Variants in TXNDC16 observed in about 807,000 individuals in gnomAD.
The protein encoded by TXNDC16 is thioredoxin domain-containing protein 16.
In TXNDC16, 74 loss-of-function variants were observed where a neutral mutation model predicts 85.6. The ratio of observed to expected loss-of-function variants is 0.86; its 90% CI spans 0.72 to 1.05. The LOEUF is 1.05. TXNDC16 is among the 50% of genes least tolerant of loss of function. The pLI is 0.00. For missense variants in TXNDC16, 959 were observed against 947.0 expected, an observed-to-expected ratio of 1.01 and a Z score of -0.17; for synonymous variants, 335 against 326.5, an observed-to-expected ratio of 1.03 and a Z score of -0.28.
At chr14:52,516,037 T>C (rs1300040794) in intron 7 of TXNDC16, among the ~76,000 whole-genome samples, 1 of 152,132 alleles carries the variant, frequency 6.6e-6, no homozygotes, top group Non-Finnish European at 1.5e-5. Flanking sequence ...ATTTTCTAAC[T>C]CTCTCAATAC....
chr14:52,445,392 G>T (rs1268570548), intron 18 of TXNDC16, among the ~76,000 whole-genome samples: 3 of 152,224 alleles, frequency 2.0e-5, no homozygotes, highest in East Asian at 3.9e-4. Context: ...TCCCTTAGTT[G>T]AGCCCAAAAT....
At chr14:52,484,521 C>T (rs533840177) in intron 12 of TXNDC16, among the ~76,000 whole-genome samples, 2 of 152,236 alleles carry the variant, frequency 1.3e-5, no homozygotes, top group African/African-American at 2.4e-5. Flanking sequence ...ATTGTAACAT[C>T]GTAGCACAAC....
chr14:52,479,285 T>C (rs2036090407), intron 14 of TXNDC16, among the ~76,000 whole-genome samples: 1 of 152,066 alleles, frequency 6.6e-6, no homozygotes, highest in Admixed American at 6.6e-5. Flanking sequence ...ACCATTCCTC[T>C]TCAACACAGT....
chr14:52,518,639 T>A (rs958261956), intron 7 of TXNDC16, among the ~76,000 whole-genome samples: 2 of 152,106 alleles, frequency 1.3e-5, no homozygotes, highest in African/African-American at 4.8e-5. Flanking sequence ...AATAACTTCC[T>A]ATTTTTCTCC....
At position 52,442,506 on chromosome 14, in the gene TXNDC16, C is replaced by CAA. The variant is rs148205701; in HGVS notation, c.1843-1784_1843-1783dup. ...ATAGTCCTAGTTCATCCTGAAGTGC[C>CAA]AAATTCTGGCATATAACTTTCCCTT... On this transcript the variant is annotated intron_variant, in intron 18 of 20. Transcript: ENST00000281741. Among the ~76,000 whole-genome samples the CAA allele has an allele frequency of 2.5e-3, 388 of 152,252 alleles. 3 individuals carry two copies. Among genetic ancestry groups the CAA allele is most frequent in the African/African-American group, 8.8e-3 (367 of 41,556 alleles).
At chr14:52,513,861 C>T (rs963427948) in intron 8 of TXNDC16, among the ~76,000 whole-genome samples, 2 of 152,002 alleles carry the variant, frequency 1.3e-5, no homozygotes, top group East Asian at 3.9e-4. Flanking sequence ...ATACAAACAA[C>T]TAACCCTCAG....
At chr14:52,460,486 T>C (rs1243165651) in intron 16 of TXNDC16, among the ~76,000 whole-genome samples, 3 of 152,362 alleles carry the variant, frequency 2.0e-5, no homozygotes, top group South Asian at 4.1e-4. Flanking sequence ...ATGTTTTTCA[T>C]GTAATTTTCC....
Position 52,457,187 on chromosome 14 carries a change from A to G in TXNDC16, c.1619-13T>C. On this transcript the variant is annotated splice_polypyrimidine_tract_variant and intron_variant, in intron 16 of 20. Coordinates refer to ENST00000281741, the MANE Select transcript of TXNDC16 (RefSeq NM_020784.3). ...AAATCTTCTTTTGCTATAAATACAT[A>G]GAGAAGACAAAAATCTGAAACCTTT... is the stretch of plus-strand genomic sequence containing the variant. 6.7e-7 allele frequency: 1 copy of G among 1,485,452 alleles called. No homozygotes were observed. Among genetic ancestry groups the G allele is most frequent in the Middle Eastern group, 1.8e-4 (1 of 5,710 alleles). 92.0% of individuals were successfully genotyped at this position (1,485,452 alleles called of 1,614,324 possible). A position where few individuals can be genotyped will look rare whatever the true frequency, so the allele number is the denominator to read the frequency against.
chr14:52,465,281 G>T (rs920781557), intron 16 of TXNDC16, among the ~76,000 whole-genome samples: 1 of 152,204 alleles, frequency 6.6e-6, no homozygotes, highest in South Asian at 2.1e-4. Flanking sequence ...CTAGATAAAT[G>T]GTAAGAGTTA....
chr14:52,530,444 ATT>A (rs2037514181), intron 6 of TXNDC16, among the ~76,000 whole-genome samples: 1 of 15,530 alleles, frequency 6.4e-5, no homozygotes, highest in Non-Finnish European at 9.3e-5. Flanking sequence ...TATATAATAT[ATT>A]ATTATATAAT....
chr14:52,459,591 G>A (rs1217499334), intron 16 of TXNDC16, among the ~76,000 whole-genome samples: 2 of 152,164 alleles, frequency 1.3e-5, no homozygotes, highest in Non-Finnish European at 2.9e-5. Context: ...GCATCATCCT[G>A]ATACCATAAC....
At position 52,537,219 on chromosome 14, in the gene TXNDC16, G is replaced by A. The variant is rs532267908; in HGVS notation, c.317+380C>T. 4.6e-5 allele frequency among the ~76,000 whole-genome samples: 7 copies of A among 152,126 alleles called. No individual in the cohort carries two copies. The East Asian group carries it at 1.4e-3, about 29-fold the overall frequency. On this transcript the variant is annotated intron_variant, in intron 5 of 20. Coordinates refer to ENST00000281741, the MANE Select transcript of TXNDC16 (RefSeq NM_020784.3). ...AATCCCAAGGATTTGAGAAACCTCA[G>A]GTAGATCAAACCCAAGTGCAGAGAG...
intron 16 of TXNDC16, among the ~76,000 whole-genome samples, chr14:52,460,289 T>C (rs897208769): frequency 6.6e-6 from 1 of 151,796 alleles, no homozygotes; most frequent in African/African-American, 2.4e-5. Context: ...CACAAACAAA[T>C]AGAAAAACAT....
chr14:52,469,137 A>G (rs1483183650), intron 16 of TXNDC16, among the ~76,000 whole-genome samples: 1 of 152,030 alleles, frequency 6.6e-6, no homozygotes, highest in African/African-American at 2.4e-5. Flanking sequence ...ACTTGAGCTC[A>G]GAAGTTCAAG....
rs112363005 is a variant in TXNDC16 at position 52,484,381 on chromosome 14, T to C, written c.1109-1416A>G. ...TTCATAGAACTAAAGTATTGTTTTA[T>C]ACATAATTTCTAATACAGTCACGTA... On this transcript the variant is annotated intron_variant, in intron 12 of 20. Coordinates refer to ENST00000281741, the MANE Select transcript of TXNDC16 (RefSeq NM_020784.3). 4.8e-4 allele frequency among the ~76,000 whole-genome samples: 73 copies of C among 152,364 alleles called. 1 individual carries two copies. Among genetic ancestry groups the C allele is most frequent in the African/African-American group, 1.6e-3 (67 of 41,582 alleles).
chr14:52,501,760 A>G (rs1025104067), intron 9 of TXNDC16, among the ~76,000 whole-genome samples: 4 of 152,210 alleles, frequency 2.6e-5, no homozygotes, highest in Admixed American at 6.5e-5. Context: ...ATTTTGGTCT[A>G]AGAGGTGTTT....
intron 14 of TXNDC16, among the ~76,000 whole-genome samples, chr14:52,480,975 GTATA>G (rs141877325): frequency 0.11 from 14,754 of 134,462 alleles, 790 homozygotes; most frequent in African/African-American, 0.15. Context: ...ATATATATAT[GTATA>G]TATATATATA....
chr14:52,473,738 A>T (rs1277064467), intron 14 of TXNDC16, among the ~76,000 whole-genome samples: 1 of 152,232 alleles, frequency 6.6e-6, no homozygotes, highest in African/African-American at 2.4e-5. Context: ...TATCTTAGAT[A>T]CAGGTATTAT....
intron 12 of TXNDC16, among the ~76,000 whole-genome samples, 186 bp downstream of exon 12, chr14:52,488,177 A>AT (rs2036313271): frequency 6.6e-6 from 1 of 152,246 alleles, no homozygotes; most frequent in Non-Finnish European, 1.5e-5. Flanking sequence ...TAAACAAAAT[A>AT]TAGCATCCTT....
Sources: allele counts gnomAD v4.1 joint callset (sites outside exome capture counted in the v4.1 genomes callset), GRCh38; gene constraint gnomAD v4.1.1; transcripts MANE v1.5; gene names NCBI Gene and HGNC (gene_info 2026-07-23, HGNC 2026-07-21).